MSANTD2: variants seen among roughly 807,000 people sequenced by gnomAD.
MSANTD2 encodes the protein myb/SANT-like DNA-binding domain-containing protein 2.
Under a neutral mutation model 52.6 loss-of-function variants are expected in MSANTD2, and 19 were observed. The observed-to-expected ratio is 0.36, with a 90% CI of 0.25 to 0.53. The LOEUF (loss-of-function observed/expected upper bound fraction) is 0.53. Ranked by LOEUF, MSANTD2 falls within the 20% of genes least tolerant of loss-of-function variation. The pLI is 0.91. For missense variants in MSANTD2, 558 were observed against 716.3 expected (o/e 0.78, Z 2.52); for synonymous variants, 291 against 289.7 (o/e 1.00, Z -0.04).
At chr11:124,795,116 T>C (rs1853508804) in intron 1 of MSANTD2, among the ~76,000 whole-genome samples, 1 of 152,138 alleles carries the variant, frequency 6.6e-6, no homozygotes, top group African/African-American at 2.4e-5. Flanking sequence ...TGAGCTCACG[T>C]GATATGCCCG....
In MSANTD2 at chr11:124,767,422, C is replaced by A. The variant is rs775689999; in HGVS notation, c.1434G>T (p.Gly478=). ...GCTGTAGAGTCCTGACCTCAGCAAT[C>A]CCGAGGTAGCAATAGATAATTCGGG... ...EPTRIIYCYL[G]IAEVRTLQQC... Residue 478 remains glycine (G), a synonymous_variant, in exon 4 of 4, where the codon GGG becomes GGT. Transcript: ENST00000374979. This position sits in a 1 kb window ranked among gnomAD's most constrained non-coding sequence, Gnocchi z 6.5. 2 of 1,614,048 alleles carry A rather than the reference C, an allele frequency of 1.2e-6. No homozygotes were observed. Among genetic ancestry groups the A allele is most frequent in the East Asian group, 2.2e-5 (1 of 44,888 alleles).
chr11:124,784,766 G>T, intron 1 of MSANTD2: 1 of 714,630 alleles, frequency 1.4e-6, no homozygotes, highest in Non-Finnish European at 1.7e-6. Flanking sequence ...ATTTGGTTAT[G>T]AGAAAAAGAA....
intron 1 of MSANTD2, chr11:124,792,796 A>G (rs1356960585): frequency 6.6e-6 from 1 of 152,236 alleles, no homozygotes. Flanking sequence ...TTCAGACCTT[A>G]GCATTTAAAG....
At chr11:124,795,037 C>T (rs1381147015) in intron 1 of MSANTD2, among the ~76,000 whole-genome samples, 2 of 152,138 alleles carry the variant, frequency 1.3e-5, no homozygotes, top group Non-Finnish European at 2.9e-5. Context: ...TGCCACCACG[C>T]CCGGCTAATT....
chr11:124,791,894 G>A (rs540239024), intron 1 of MSANTD2: 3 of 383,844 alleles, frequency 7.8e-6, no homozygotes, highest in African/African-American at 6.2e-5. Context: ...AATTAGAACA[G>A]AACATATCAG....
chr11:124,776,265 A>G (rs542389438), intron 1 of MSANTD2: 2 of 152,340 alleles, frequency 1.3e-5, no homozygotes, highest in South Asian at 4.1e-4. Flanking sequence ...ACTCTTAATA[A>G]TATCTACAAA....
At chr11:124,799,839 G>A (rs763974816) in intron 1 of MSANTD2, 32 bp downstream of exon 1, 22 of 1,525,018 alleles carry the variant, frequency 1.4e-5, no homozygotes, top group Non-Finnish European at 1.9e-5. Context: ...CTCTGCCTCT[G>A]GTTCGCTGCC....
intron 1 of MSANTD2, among the ~76,000 whole-genome samples, chr11:124,783,400 C>A (rs963530374): frequency 3.9e-5 from 6 of 152,110 alleles, no homozygotes; most frequent in Admixed American, 3.9e-4. Flanking sequence ...GCAGGCAGAT[C>A]GCTTGAGGCC....
In MSANTD2 at chr11:124,766,970, G is replaced by A. The variant is rs182004971; in HGVS notation, c.*206C>T. 1 of 523,226 alleles carries A rather than the reference G, an allele frequency of 1.9e-6. No individual in the cohort carries two copies. 32.4% of individuals were successfully genotyped at this position (523,226 alleles called of 1,614,324 possible). On this transcript the variant is annotated 3_prime_UTR_variant, in exon 4 of 4. Coordinates refer to ENST00000374979, the MANE Select transcript of MSANTD2 (RefSeq NM_001308027.2). ...ACCATGCAAGTTCGCTATATATCTTGCTTGCTCAAAATGAGCATTTTCAGG... is the reference window on the plus strand; with the variant it reads ...ACCATGCAAGTTCGCTATATATCTTACTTGCTCAAAATGAGCATTTTCAGG...
In MSANTD2 at chr11:124,772,982, G is replaced by A. The variant is rs1310199601; in HGVS notation, c.827+12C>T. The A allele has an allele frequency of 1.3e-6, 2 of 1,523,570 alleles. No homozygotes were observed. The highest frequency in any genetic ancestry group is 1.8e-6 in the Non-Finnish European group (2 of 1,098,428). 94.4% of individuals were successfully genotyped at this position (1,523,570 alleles called of 1,614,324 possible). A position where few individuals can be genotyped will look rare whatever the true frequency, so the allele number is the denominator to read the frequency against. ...CAGACACACTTTCTGGAAAGGTGAA[G>A]CATCTACTTACTGTGCTTCTTCAGA... On this transcript the variant is annotated intron_variant, in intron 3 of 3. Transcript: ENST00000374979.
chr11:124,772,280 G>A (rs1307780893), intron 3 of MSANTD2, among the ~76,000 whole-genome samples: 1 of 152,176 alleles, frequency 6.6e-6, no homozygotes, highest in Admixed American at 6.5e-5. Context: ...TCAGGTTCCT[G>A]TGACTCATCT....
chr11:124,785,223 G>C (rs771758471), intron 1 of MSANTD2, among the ~76,000 whole-genome samples: 1 of 152,154 alleles, frequency 6.6e-6, no homozygotes, highest in Non-Finnish European at 1.5e-5. Flanking sequence ...ATGGCTCAAC[G>C]TGCCATGTAA....
At chr11:124,771,392 G>T (rs990623920) in intron 3 of MSANTD2, among the ~76,000 whole-genome samples, 7 of 152,192 alleles carry the variant, frequency 4.6e-5, no homozygotes, top group Non-Finnish European at 1.0e-4. Context: ...ATGACAATGG[G>T]AATTCTTTGA....
chr11:124,796,756 A>G (rs764519444), intron 1 of MSANTD2, among the ~76,000 whole-genome samples: 1 of 152,208 alleles, frequency 6.6e-6, no homozygotes, highest in Non-Finnish European at 1.5e-5. Flanking sequence ...CCTTTTCCAC[A>G]TCTTACTACT....
intron 1 of MSANTD2, among the ~76,000 whole-genome samples, chr11:124,795,383 A>C (rs1945461973): frequency 6.6e-6 from 1 of 152,194 alleles, no homozygotes; most frequent in Admixed American, 6.5e-5. Flanking sequence ...TGAGTTTTGC[A>C]GTGCATCAGA....
intron 1 of MSANTD2, among the ~76,000 whole-genome samples, chr11:124,785,939 C>T (rs1440618806): frequency 6.6e-6 from 1 of 151,822 alleles, no homozygotes; most frequent in Non-Finnish European, 1.5e-5. Flanking sequence ...AAACTAAGAC[C>T]TGGTATACTT....
At chr11:124,769,592 T>C (rs1180594949) in intron 3 of MSANTD2, among the ~76,000 whole-genome samples, 2 of 152,212 alleles carry the variant, frequency 1.3e-5, no homozygotes, top group Admixed American at 1.3e-4. Flanking sequence ...GCTAAGGAGT[T>C]GGGATGGAGA....
At chr11:124,778,175 C>T (rs1314414379) in intron 1 of MSANTD2, among the ~76,000 whole-genome samples, 1 of 152,138 alleles carries the variant, frequency 6.6e-6, no homozygotes, top group Non-Finnish European at 1.5e-5. Flanking sequence ...AAAACGAAGC[C>T]TCAATTCCCA....
At chr11:124,794,073 G>A (rs1945417878) in intron 1 of MSANTD2, among the ~76,000 whole-genome samples, 1 of 152,092 alleles carries the variant, frequency 6.6e-6, no homozygotes, top group Non-Finnish European at 1.5e-5. Flanking sequence ...CATTTTAAGG[G>A]CTGAACAGAC....
Sources: allele counts gnomAD v4.1 joint callset (sites outside exome capture counted in the v4.1 genomes callset), GRCh38; gene constraint gnomAD v4.1.1; non-coding constraint Gnocchi (gnomAD v3.1); transcripts MANE v1.5; gene names NCBI Gene and HGNC (gene_info 2026-07-23, HGNC 2026-07-21).